NFRKB: variants seen among roughly 807,000 people sequenced by gnomAD.
NFRKB encodes the protein nuclear factor related to kappa-B-binding protein.
In NFRKB, 62 loss-of-function variants were observed where a neutral mutation model predicts 135.7. The observed-to-expected ratio is 0.46, with a 90% CI of 0.37 to 0.56. The LOEUF is 0.56. NFRKB is among the 20% of genes least tolerant of loss of function. The probability of loss-of-function intolerance (pLI) is 0.00; values close to 1 mark genes in which losing one functional copy is unlikely to be tolerated. For missense variants in NFRKB, 1,545 were observed against 1,662.0 expected, an observed-to-expected ratio of 0.93 and a Z score of 1.22; for synonymous variants, 678 against 635.6, an observed-to-expected ratio of 1.07 and a Z score of -1.00.
intron 3 of NFRKB, among the ~76,000 whole-genome samples, chr11:129,892,226 G>A (rs571607006): frequency 1.2e-4 from 18 of 152,190 alleles, no homozygotes; most frequent in African/African-American, 3.9e-4. Context: ...TTCCCCCCAA[G>A]TCCCCAGAGT....
chr11:129,875,025 T>C, intron 18 of NFRKB, 109 bp from the exon 19 acceptor site: 1 of 1,406,148 alleles, frequency 7.1e-7, no homozygotes, highest in Non-Finnish European at 9.9e-7. Context: ...CTGATGCAGA[T>C]TCTATCTCAG....
chr11:129,882,241 T>A (rs1949063372), intron 10 of NFRKB, 47 bp from the exon 11 acceptor site: 1 of 1,514,376 alleles, frequency 6.6e-7, no homozygotes, highest in Admixed American at 2.1e-5. Flanking sequence ...CAAGAACACA[T>A]CCCTAGATTG....
chr11:129,872,770 G>A lies in NFRKB; in HGVS notation c.2763+114C>T, dbSNP rs1029433334. 33 of 1,108,516 alleles carry A rather than the reference G, an allele frequency of 3.0e-5. 1 individual carries two copies. The highest frequency in any genetic ancestry group is 1.7e-4 in the South Asian group (11 of 64,330). 68.7% of individuals were successfully genotyped at this position (1,108,516 alleles called of 1,614,324 possible). A position where few individuals can be genotyped will look rare whatever the true frequency, so the allele number is the denominator to read the frequency against. On this transcript the variant is annotated intron_variant, in intron 23 of 26. Coordinates refer to ENST00000682444, the MANE Select transcript of NFRKB (RefSeq NM_001143835.2). ...CCTAAGTATCTATAAGCTGAGAGTC[G>A]AAGATGACAAATCTTCTTCCCATGG...
At chr11:129,875,652 CTTTTT>C (rs761583169) in intron 17 of NFRKB, among the ~76,000 whole-genome samples, 189 bp from the exon 18 acceptor site, 1 of 101,808 alleles carries the variant, frequency 9.8e-6, no homozygotes, top group African/African-American at 3.7e-5. Flanking sequence ...CTATACACTT[CTTTTT>C]TTTTTTTTTT....
chr11:129,877,879 A>T (rs1027870110), intron 15 of NFRKB, among the ~76,000 whole-genome samples: 22 of 152,122 alleles, frequency 1.4e-4, no homozygotes, highest in African/African-American at 5.3e-4. Context: ...AAAAAGAAAC[A>T]TGGGACAATG....
chr11:129,869,856 C>T lies in NFRKB; in HGVS notation c.3169G>A (p.Ala1057Thr), dbSNP rs138022033. 436 of 1,614,134 alleles carry T rather than the reference C, an allele frequency of 2.7e-4. No homozygotes were observed. The highest frequency in any genetic ancestry group is 3.6e-4 in the Non-Finnish European group (425 of 1,180,062). Residue 1057 changes from alanine (A) to threonine (T), a missense_variant, in exon 24 of 27, where the codon GCT (alanine) becomes ACT (threonine). Around this residue, in one of 3 missense-constraint regions of NFRKB, gnomAD observed 753 missense variants for 804.3 expected, o/e 0.94. Transcript: ENST00000682444. The stretch of plus-strand genomic sequence containing the variant: ...CCAAGAGCTGGCATCAAGCGAAAAG[C>T]CGAACTTGAGGCTTCTGTTGGCTTG... ...DLKPTEASSS[A>T]FRLMPALGVS... is the part of the protein sequence containing the mutation.
chr11:129,893,469 A>C (rs1949651152), intron 2 of NFRKB: 1 of 255,238 alleles, frequency 3.9e-6, no homozygotes, highest in South Asian at 4.0e-5. Flanking sequence ...CTGAGGTGGG[A>C]GGATCGCTTG....
chr11:129,866,012 AAGAC>A, intron 24 of NFRKB, 29 bp from the exon 25 acceptor site: 1 of 1,564,742 alleles, frequency 6.4e-7, no homozygotes, highest in South Asian at 1.2e-5. Context: ...CAGGTTTTGT[AAGAC>A]AGGAGGTAAG....
Position 129,884,145 on chromosome 11 carries a change from T to G in NFRKB, c.743-2A>C. The G allele has an allele frequency of 6.2e-7, 1 of 1,614,084 alleles. No homozygotes were observed. ...CACTGTCCCCCAGTTCTACTTTATC[T>G]GAGAAAACAAACCAAACCATATTCA... On this transcript the variant is annotated splice_acceptor_variant, in intron 7 of 26. Transcript: ENST00000682444. LOFTEE classifies it high-confidence loss of function.
rs1450547020 is a variant in NFRKB at position 129,884,786 on chromosome 11, C to T, written c.701G>A (p.Arg234Gln). The change falls in exon 7 of 27, where the codon CGG becomes CAG. Residue 234 changes from arginine to glutamine, a missense_variant. Arg to Gln is a conservative substitution (Grantham distance 43, BLOSUM62 1). This residue lies in a region of NFRKB where 678 missense variants were observed against 646.7 expected (regional missense o/e 1.05). Transcript: ENST00000682444. ...CGTGGTTGAAAGTGTGGGCACCACC[C>T]GCAGGGGCACCGCAGGACTAGGAGA... ...ARSPSPAVPL[R>Q]VVPTLSTTDM... is the part of the protein sequence containing the mutation. The T allele has an allele frequency of 3.1e-6, 5 of 1,614,122 alleles. No individual in the cohort carries two copies. The highest frequency in any genetic ancestry group is 1.1e-5 in the South Asian group (1 of 91,076).
In NFRKB at chr11:129,876,848, C is replaced by T; in HGVS notation, c.1620G>A (p.Met540Ile). ...SQPHKAFTFRMHGFESVVGPV... is the reference protein window; with the variant it reads ...SQPHKAFTFRIHGFESVVGPV... ...GCCCCACCACAGACTCAAAGCCGTGCATGCGAAAGGTGAACGCCTTATGGG... is the reference window on the plus strand; with the variant it reads ...GCCCCACCACAGACTCAAAGCCGTGTATGCGAAAGGTGAACGCCTTATGGG... Residue 540 changes from methionine (M) to isoleucine (I), a missense_variant, in exon 17 of 27, where the codon ATG becomes ATA. Around this residue, in one of 3 missense-constraint regions of NFRKB, gnomAD observed 114 missense variants for 211.0 expected, o/e 0.54. Transcript: ENST00000682444. The T allele has an allele frequency of 6.2e-7, 1 of 1,614,156 alleles. No individual in the cohort carries two copies. The highest frequency in any genetic ancestry group is 1.1e-5 in the South Asian group (1 of 91,080).
At chr11:129,872,565 T>C (rs1948565143) in intron 23 of NFRKB, 1 of 210,886 alleles carries the variant, frequency 4.7e-6, no homozygotes. Context: ...CTTTCACGAG[T>C]GGTAAACTGA....
At chr11:129,883,272 C>T in intron 8 of NFRKB, 66 bp from the exon 9 acceptor site, 1 of 1,167,564 alleles carries the variant, frequency 8.6e-7, no homozygotes, top group Admixed American at 1.8e-5. Flanking sequence ...GGTGACTTTG[C>T]CAATTTATGT....
rs532633593 is a variant in NFRKB at position 129,864,349 on chromosome 11, G to A, written c.*376C>T. On this transcript the variant is annotated 3_prime_UTR_variant, in exon 27 of 27. Transcript: ENST00000682444. ...CCACTAGTCATGGAGAAGACCAGAA[G>A]CCAAAAAATACAATCCTCATGGAGA... is the stretch of plus-strand genomic sequence containing the variant. 1.1e-5 allele frequency: 2 copies of A among 187,272 alleles called. No individual in the cohort carries two copies. Among genetic ancestry groups the A allele is most frequent in the Non-Finnish European group, 2.2e-5 (2 of 89,538 alleles). 11.6% of individuals were successfully genotyped at this position (187,272 alleles called of 1,614,324 possible).
In NFRKB at chr11:129,874,633, A is replaced by G; in HGVS notation, c.1979-53T>C. The G allele has an allele frequency of 6.2e-7, 1 of 1,607,976 alleles. No homozygotes were observed. The highest frequency in any genetic ancestry group is 1.1e-5 in the South Asian group (1 of 90,262). On this transcript the variant is annotated intron_variant, in intron 19 of 26. Coordinates refer to ENST00000682444, the MANE Select transcript of NFRKB (RefSeq NM_001143835.2). This position sits in a 1 kb window ranked among gnomAD's most constrained non-coding sequence, Gnocchi z 4.5. ...CAGAGTTTAACCTTAGCAAACTAAA[A>G]AGAGGGGCTTTGTTAAAAACCAACA...
chr11:129,879,808 C>A (rs769738147), intron 13 of NFRKB, among the ~76,000 whole-genome samples: 3 of 152,226 alleles, frequency 2.0e-5, no homozygotes, highest in Admixed American at 2.0e-4. Flanking sequence ...ACACTCTCCC[C>A]CTTAAACTCT....
intron 23 of NFRKB, among the ~76,000 whole-genome samples, chr11:129,872,026 G>A (rs369118808): frequency 6.6e-6 from 1 of 152,042 alleles, no homozygotes; most frequent in African/African-American, 2.4e-5. Flanking sequence ...CCTGGGCCTC[G>A]AATGTTTTAT....
intron 6 of NFRKB, 120 bp downstream of exon 6, chr11:129,885,314 AC>A (rs1949221634): frequency 8.6e-7 from 1 of 1,160,330 alleles, no homozygotes; most frequent in Admixed American, 2.6e-5. Context: ...TGCACCCCAG[AC>A]CAGACAACTC....
chr11:129,867,322 C>CTTTTT (rs894926200), intron 24 of NFRKB, among the ~76,000 whole-genome samples: 3 of 129,516 alleles, frequency 2.3e-5, no homozygotes, highest in Admixed American at 1.6e-4. Flanking sequence ...CTAAGTAACT[C>CTTTTT]TTTTTTTTTT....
Sources: allele counts gnomAD v4.1 joint callset (sites outside exome capture counted in the v4.1 genomes callset), GRCh38; gene constraint gnomAD v4.1.1; regional missense constraint gnomAD v4.1.1; non-coding constraint Gnocchi (gnomAD v3.1); transcripts MANE v1.5; gene names NCBI Gene and HGNC (gene_info 2026-07-23, HGNC 2026-07-21).